The following PTPRA variants were observed in gnomAD, a reference collection of about 807,000 sequenced individuals.
PTPRA encodes the protein receptor-type tyrosine-protein phosphatase alpha.
A neutral mutation model predicts 104.8 loss-of-function variants in PTPRA; 25 were observed. That is an observed-to-expected ratio of 0.24 (90% CI 0.17 to 0.33). The LOEUF (loss-of-function observed/expected upper bound fraction) is 0.33, where lower values mean the gene tolerates loss of function less well. Ranked by LOEUF, PTPRA falls within the 10% of genes least tolerant of loss-of-function variation. The pLI is 1.00. For synonymous variants in PTPRA, 323 were observed against 368.9 expected (o/e 0.88, Z 1.43); for missense variants, 765 against 1,015.3 (o/e 0.75, Z 3.35).
intron 2 of PTPRA, among the ~76,000 whole-genome samples, chr20:2,943,972 C>T (rs1376745752): frequency 6.6e-6 from 1 of 151,506 alleles, no homozygotes; most frequent in Non-Finnish European, 1.5e-5. Context: ...CAACAACCAT[C>T]AAAAATTGGC....
At chr20:2,989,822 C>G (rs532194234) in intron 9 of PTPRA, among the ~76,000 whole-genome samples, 2 of 152,222 alleles carry the variant, frequency 1.3e-5, no homozygotes, top group Admixed American at 6.5e-5. Context: ...TCGAGACCAT[C>G]CTGGCTAACA....
intron 1 of PTPRA, among the ~76,000 whole-genome samples, chr20:2,922,512 G>C (rs1252312888): frequency 2.6e-5 from 4 of 152,072 alleles, no homozygotes; most frequent in Non-Finnish European, 5.9e-5. Flanking sequence ...GCTAATTTTT[G>C]TATTTTTGGT....
intron 3 of PTPRA, among the ~76,000 whole-genome samples, chr20:2,960,440 G>A (rs548367300): frequency 2.1e-4 from 32 of 151,936 alleles, no homozygotes; most frequent in Admixed American, 3.3e-4. Context: ...TAGTAGAGAC[G>A]GGGTTTCACC....
chr20:2,949,793 A>T (rs74696791), intron 3 of PTPRA, among the ~76,000 whole-genome samples: 2,894 of 151,954 alleles, frequency 0.019, 98 homozygotes, highest in African/African-American at 0.064. Context: ...AGGATTTTTT[A>T]AAATCTTGAA....
At chr20:2,998,021 CAG>C (rs1000325830) in intron 9 of PTPRA, among the ~76,000 whole-genome samples, 4 of 151,996 alleles carry the variant, frequency 2.6e-5, no homozygotes, top group African/African-American at 7.3e-5. Context: ...TCTAGCTACT[CAG>C]GGGGCTGAGG....
At chr20:3,036,462 C>T (rs1214207662) in intron 22 of PTPRA, among the ~76,000 whole-genome samples, 1 of 152,232 alleles carries the variant, frequency 6.6e-6, no homozygotes, top group Non-Finnish European at 1.5e-5. Flanking sequence ...GGATGGTGTG[C>T]ACCATGGGCT....
intron 3 of PTPRA, among the ~76,000 whole-genome samples, chr20:2,949,860 CTT>C (rs1419823923): frequency 1.3e-5 from 2 of 151,820 alleles, no homozygotes; most frequent in South Asian, 2.1e-4. Flanking sequence ...TGTATGAACT[CTT>C]TTAATATGGG....
intron 3 of PTPRA, among the ~76,000 whole-genome samples, chr20:2,957,924 G>A (rs750248499): frequency 6.6e-6 from 1 of 152,010 alleles, no homozygotes. Flanking sequence ...GATTTGTAGT[G>A]ATACAACCCT....
upstream of PTPRA, among the ~76,000 whole-genome samples, chr20:2,872,901 G>A (rs1213034134): frequency 2.0e-5 from 3 of 152,200 alleles, no homozygotes; most frequent in East Asian, 3.9e-4. This position sits in a 1 kb window ranked among gnomAD's most constrained non-coding sequence, Gnocchi z 7.9. Context: ...CCCAGCATGC[G>A]CATCTGGAAA....
intron 9 of PTPRA, among the ~76,000 whole-genome samples, chr20:2,998,132 C>T (rs1008842756): frequency 4.7e-5 from 7 of 149,820 alleles, no homozygotes; most frequent in African/African-American, 7.4e-5. Context: ...CAGTGATCAC[C>T]GCACTGCCCT....
chr20:2,957,188 G>GCA (rs1448430415), intron 3 of PTPRA, among the ~76,000 whole-genome samples: 1 of 152,238 alleles, frequency 6.6e-6, no homozygotes, highest in Non-Finnish European at 1.5e-5. Flanking sequence ...GGAAGGCTGA[G>GCA]GCAGGAGAAT....
intron 11 of PTPRA, among the ~76,000 whole-genome samples, chr20:3,010,391 G>A (rs934685615): frequency 2.6e-5 from 4 of 151,858 alleles, no homozygotes; most frequent in African/African-American, 7.2e-5. Context: ...CACTTTGGGA[G>A]GCCGAGGCGG....
intron 5 of PTPRA, among the ~76,000 whole-genome samples, chr20:2,970,529 C>T: frequency 6.6e-6 from 1 of 152,062 alleles, no homozygotes; most frequent in East Asian, 1.9e-4. Context: ...ATATTCTTTA[C>T]CCATTTTTAT....
upstream of PTPRA, among the ~76,000 whole-genome samples, chr20:2,871,086 C>T (rs776186243): frequency 5.3e-5 from 8 of 152,176 alleles, no homozygotes; most frequent in Non-Finnish European, 8.8e-5. Flanking sequence ...TGTGTGGTTG[C>T]TGAGCTGAAC....
chr20:3,018,591 T>G (rs1322313916), intron 13 of PTPRA, among the ~76,000 whole-genome samples: 1 of 151,788 alleles, frequency 6.6e-6, no homozygotes, highest in African/African-American at 2.4e-5. Context: ...TTTCTTAGTA[T>G]AGAACAAAAT....
At chr20:2,884,848 C>G (rs1195928160) in intron 1 of PTPRA, among the ~76,000 whole-genome samples, 1 of 147,866 alleles carries the variant, frequency 6.8e-6, no homozygotes, top group Non-Finnish European at 1.5e-5. Context: ...CTCGCTCTGT[C>G]GCCCAGGCTG....
At position 2,983,150 on chromosome 20, in the gene PTPRA, C is replaced by A. The variant is rs977497812; in HGVS notation, c.443-3615C>A. ...TTAGTATTAGGAAGTCAGAGAAGAC[C>A]TGTGTGGGAAAAGTGACACACAGAG... On this transcript the variant is annotated intron_variant, in intron 6 of 23. Coordinates refer to ENST00000399903, the MANE Select transcript of PTPRA (RefSeq NM_001385305.1). Among the ~76,000 whole-genome samples the A allele has an allele frequency of 4.6e-5, 7 of 152,064 alleles. 1 individual carries two copies. Among genetic ancestry groups the A allele is most frequent in the African/African-American group, 1.7e-4 (7 of 41,486 alleles).
At chr20:2,996,120 T>A (rs2063385087) in intron 9 of PTPRA, among the ~76,000 whole-genome samples, 1 of 152,152 alleles carries the variant, frequency 6.6e-6, no homozygotes, top group Non-Finnish European at 1.5e-5. Flanking sequence ...GGTCCTCTAG[T>A]TAAAAGCAAG....
chr20:2,867,831 G>T, the PTPRA span, among the ~76,000 whole-genome samples: 1 of 152,230 alleles, frequency 6.6e-6, no homozygotes, highest in Non-Finnish European at 1.5e-5. Flanking sequence ...GCCTGAGAAG[G>T]TATTTCTTTT....
Sources: allele counts gnomAD v4.1 joint callset (sites outside exome capture counted in the v4.1 genomes callset), GRCh38; gene constraint gnomAD v4.1.1; non-coding constraint Gnocchi (gnomAD v3.1); transcripts MANE v1.5; gene names NCBI Gene and HGNC (gene_info 2026-07-23, HGNC 2026-07-21).